GRM4: variants seen among roughly 807,000 people sequenced by gnomAD.
GRM4 encodes metabotropic glutamate receptor 4.
A neutral mutation model predicts 81.7 loss-of-function variants in GRM4; 28 were observed. The observed-to-expected ratio is 0.34, with a 90% CI of 0.25 to 0.47. GRM4 has a LOEUF of 0.47. GRM4 is among the 20% of genes least tolerant of loss of function. GRM4 has a pLI of 1.00. For synonymous variants in GRM4, 488 were observed against 528.8 expected, an observed-to-expected ratio of 0.92 and a Z score of 1.06; for missense variants, 948 against 1,290.0, an observed-to-expected ratio of 0.73 and a Z score of 4.06.
Position 34,091,876 on chromosome 6 carries a change from G to A in GRM4, c.736+7C>T. On this transcript the variant is annotated splice_region_variant and intron_variant, in intron 3 of 10. Transcript: ENST00000538487. ...GGCATGACTCTGCGGCCAGGCGTTT[G>A]ACTCACCGTCCTCACGGGACTTCTG... 6.2e-7 allele frequency: 1 copy of A among 1,602,902 alleles called. No homozygotes were observed. Among genetic ancestry groups the A allele is most frequent in the Non-Finnish European group, 8.5e-7 (1 of 1,171,182 alleles).
At chr6:34,056,385 C>CTCA (rs1765874121) in intron 6 of GRM4, 159 bp downstream of exon 6, 1 of 642,376 alleles carries the variant, frequency 1.6e-6, no homozygotes, top group Non-Finnish European at 2.7e-6. Context: ...GGCCCCGCCC[C>CTCA]AGGCCTCCCA....
chr6:34,023,456 G>A (rs186259922), intron 10 of GRM4, among the ~76,000 whole-genome samples: 6 of 152,242 alleles, frequency 3.9e-5, no homozygotes, highest in Admixed American at 3.9e-4. Flanking sequence ...AAACCAGAGT[G>A]GGGCCGTGCA....
intron 2 of GRM4, among the ~76,000 whole-genome samples, chr6:34,131,194 A>G (rs952706462): frequency 3.9e-5 from 6 of 152,210 alleles, no homozygotes; most frequent in African/African-American, 9.6e-5. Flanking sequence ...CTGCCAAAGA[A>G]CTGCAAAAGA....
intron 2 of GRM4, among the ~76,000 whole-genome samples, chr6:34,112,960 A>G (rs1769446624): frequency 2.0e-5 from 3 of 152,212 alleles, no homozygotes; most frequent in Non-Finnish European, 4.4e-5. Flanking sequence ...ACAGGTTGCT[A>G]AACAACTGCT....
intron 2 of GRM4, among the ~76,000 whole-genome samples, chr6:34,093,025 C>A (rs1417785096): frequency 2.6e-5 from 4 of 152,186 alleles, no homozygotes; most frequent in Non-Finnish European, 5.9e-5. Flanking sequence ...CACAGGGACA[C>A]TCCTCTTTCC....
At chr6:34,029,958 C>A (rs1478206743) in intron 9 of GRM4, among the ~76,000 whole-genome samples, 1 of 152,184 alleles carries the variant, frequency 6.6e-6, no homozygotes, top group Admixed American at 6.5e-5. Flanking sequence ...GAAAGCCTGT[C>A]CCCCAGTGAG....
Position 34,047,414 on chromosome 6 carries a change from T to G in GRM4, c.1169-6666A>C, listed in dbSNP as rs1270339385. On this transcript the variant is annotated intron_variant, in intron 6 of 10. Coordinates refer to ENST00000538487, the MANE Select transcript of GRM4 (RefSeq NM_000841.4). The surrounding 1 kb of genome is among the most constrained non-coding windows in gnomAD (Gnocchi z 4.5). Reference sequence around the variant, plus strand: ...ACTCTGTGCTTCCTCAGACATTCAGTTCCTTCTGTCCCTCAAGTCCTGTTC... The same window carrying G: ...ACTCTGTGCTTCCTCAGACATTCAGGTCCTTCTGTCCCTCAAGTCCTGTTC... 6.6e-6 allele frequency among the ~76,000 whole-genome samples: 1 copy of G among 152,082 alleles called. No homozygotes were observed. Among genetic ancestry groups the G allele is most frequent in the Non-Finnish European group, 1.5e-5 (1 of 67,996 alleles).
At position 34,069,450 on chromosome 6, in the gene GRM4, C is replaced by G. The variant is rs1766675271; in HGVS notation, c.737-7422G>C. On this transcript the variant is annotated intron_variant, in intron 3 of 10. Transcript: ENST00000538487. The surrounding 1 kb of genome is among the most constrained non-coding windows in gnomAD (Gnocchi z 6.4). ...AGCAAAGGCCCTCCCCATGCGGCTGCTCCAGAGTGAGCTGGGTGCGGGACA... is the reference window on the plus strand; with the variant it reads ...AGCAAAGGCCCTCCCCATGCGGCTGGTCCAGAGTGAGCTGGGTGCGGGACA... Among the ~76,000 whole-genome samples, 1 of 152,150 alleles carries G rather than the reference C, an allele frequency of 6.6e-6. No homozygotes were observed. The highest frequency in any genetic ancestry group is 2.1e-4 in the South Asian group (1 of 4,828).
intron 2 of GRM4, among the ~76,000 whole-genome samples, chr6:34,108,077 C>G (rs2127497673): frequency 6.6e-6 from 1 of 152,290 alleles, no homozygotes; most frequent in Admixed American, 6.5e-5. Context: ...CTCTGCAGCA[C>G]AGGCTGGGTG....
upstream of GRM4, among the ~76,000 whole-genome samples, chr6:34,146,497 C>A (rs1770935642): frequency 6.6e-6 from 1 of 152,204 alleles, no homozygotes. Flanking sequence ...TGAAAACTCT[C>A]AGGAGAGTGT....
intron 1 of GRM4, 88 bp downstream of exon 1, chr6:34,145,912 G>A: frequency 3.7e-6 from 3 of 809,010 alleles, no homozygotes; most frequent in South Asian, 5.6e-5. Flanking sequence ...CGCCCTGCTG[G>A]CAGCTCCCCC....
chr6:34,071,324 A>ACACATCTC (rs1766817081), intron 3 of GRM4, among the ~76,000 whole-genome samples: 1 of 141,436 alleles, frequency 7.1e-6, no homozygotes, highest in Non-Finnish European at 1.5e-5. Context: ...CACACCACAC[A>ACACATCTC]CACACATCAC....
chr6:34,124,143 C>T (rs1428817505), intron 2 of GRM4, among the ~76,000 whole-genome samples: 1 of 152,194 alleles, frequency 6.6e-6, no homozygotes, highest in African/African-American at 2.4e-5. Context: ...GCAAGAAGAT[C>T]AGGAGGGGTT....
intron 3 of GRM4, among the ~76,000 whole-genome samples, chr6:34,075,677 C>G (rs1767274760): frequency 6.6e-6 from 1 of 152,234 alleles, no homozygotes; most frequent in Non-Finnish European, 1.5e-5. Context: ...CTCTCTGAGC[C>G]TTATCTCCAC....
chr6:34,132,181 G>C (rs1241917665), intron 2 of GRM4, among the ~76,000 whole-genome samples: 2 of 152,196 alleles, frequency 1.3e-5, no homozygotes, highest in Non-Finnish European at 2.9e-5. Flanking sequence ...CAAGGAGGGG[G>C]CTGGGAGGGA....
upstream of GRM4, among the ~76,000 whole-genome samples, chr6:34,148,444 A>T (rs1770985607): frequency 1.3e-5 from 2 of 152,090 alleles, no homozygotes; most frequent in African/African-American, 2.4e-5. Context: ...AGAGACACAC[A>T]CACACACACC....
In GRM4 at chr6:34,047,313, C is replaced by T. The variant is rs867234986; in HGVS notation, c.1169-6565G>A. Among the ~76,000 whole-genome samples the T allele has an allele frequency of 1.3e-5, 2 of 152,056 alleles. No homozygotes were observed. Among genetic ancestry groups the T allele is most frequent in the Non-Finnish European group, 2.9e-5 (2 of 68,006 alleles). The stretch of plus-strand genomic sequence containing the variant: ...TCCCCACTCCTTCCCCACCAACATG[C>T]GATGGGCGAGGGATGCCCACCGCAT... On this transcript the variant is annotated intron_variant, in intron 6 of 10. Coordinates refer to ENST00000538487, the MANE Select transcript of GRM4 (RefSeq NM_000841.4). This position sits in a 1 kb window ranked among gnomAD's most constrained non-coding sequence, Gnocchi z 4.5.
At chr6:34,071,610 CACCCAT>C (rs201986212) in intron 3 of GRM4, among the ~76,000 whole-genome samples, 126 of 127,226 alleles carry the variant, frequency 9.9e-4, no homozygotes, top group Non-Finnish European at 1.4e-3. Context: ...ATACCACACA[CACCCAT>C]ACATCACCAC....
In GRM4 at chr6:34,102,112, T is replaced by G. The variant is rs973635472; in HGVS notation, c.520-10013A>C. 4.6e-6 allele frequency: 7 copies of G among 1,535,540 alleles called. No individual in the cohort carries two copies. In the Middle Eastern group the frequency reaches 5.0e-4, roughly 110 times the overall value. On this transcript the variant is annotated intron_variant, in intron 2 of 10. Transcript: ENST00000538487. ...CATGGGGAAATAGCTTGGGAAGAGTTTGCACCATCTTGCAGCCAGCCGGAA... is the reference window on the plus strand; with the variant it reads ...CATGGGGAAATAGCTTGGGAAGAGTGTGCACCATCTTGCAGCCAGCCGGAA...
Sources: gnomAD v4.1 joint callset for allele counts (sites outside exome capture counted in the v4.1 genomes callset) on GRCh38, gnomAD v4.1.1 for gene constraint, Gnocchi (gnomAD v3.1) non-coding constraint, MANE v1.5 for transcripts, NCBI Gene and HGNC (gene_info 2026-07-23, HGNC 2026-07-21) for gene names.